The following LMX1A variants were observed in gnomAD, a reference collection of about 807,000 sequenced individuals.
The protein encoded by LMX1A is LIM homeobox transcription factor 1 alpha.
LMX1A carries 15 observed loss-of-function variants against 49.1 expected under a neutral mutation model. That is an observed-to-expected ratio of 0.31 (90% CI 0.20 to 0.47). The LOEUF is 0.47. Among genes scored for constraint, LMX1A ranks in the 20% least tolerant of loss-of-function variants. The pLI is 1.00. For synonymous variants in LMX1A, 167 were observed against 185.7 expected, an observed-to-expected ratio of 0.90 and a Z score of 0.82; for missense variants, 372 against 475.8, an observed-to-expected ratio of 0.78 and a Z score of 2.03.
At chr1:165,314,609 C>CT (rs796732524) in intron 3 of LMX1A, among the ~76,000 whole-genome samples, 69 of 151,562 alleles carry the variant, frequency 4.6e-4, no homozygotes, top group African/African-American at 1.6e-3. Context: ...CTTCCAATAT[C>CT]TTTTTTTTTA....
chr1:165,213,392 ATGAAAGGTG>A (rs545025884), intron 5 of LMX1A: 234 of 420,742 alleles, frequency 5.6e-4, no homozygotes, highest in African/African-American at 4.4e-3. Context: ...GCTCTATGAA[ATGAAAGGTG>A]TGACAGGGGC....
At chr1:165,217,600 G>T (rs1651689907) in intron 4 of LMX1A, among the ~76,000 whole-genome samples, 1 of 152,232 alleles carries the variant, frequency 6.6e-6, no homozygotes, top group African/African-American at 2.4e-5. Context: ...ACTCAAACCT[G>T]TGCATACACA....
At position 165,356,416 on chromosome 1, in the gene LMX1A, G is replaced by C. The variant is rs900448475; in HGVS notation, c.-84C>G. 2.6e-5 allele frequency: 4 copies of C among 152,214 alleles called. No individual in the cohort carries two copies. The highest frequency in any genetic ancestry group is 1.3e-4 in the Admixed American group (2 of 15,294). 9.4% of individuals were successfully genotyped at this position (152,214 alleles called of 1,614,324 possible). A position where few individuals can be genotyped will look rare whatever the true frequency, so the allele number is the denominator to read the frequency against. ...GAGAAGTTGCGGAGCGCTGCTGGAA[G>C]CTTCTGCCCGGGAAGGCGTCGCCCC... On this transcript the variant is annotated 5_prime_UTR_variant, in exon 1 of 9. Transcript: ENST00000342310.
intron 5 of LMX1A, chr1:165,211,118 T>C (rs760284478): frequency 5.6e-5 from 10 of 179,662 alleles, no homozygotes; most frequent in Non-Finnish European, 8.1e-5. Context: ...TGCATTGACC[T>C]ACTTAAGGAG....
chr1:165,275,993 T>A (rs1197823813), intron 3 of LMX1A, among the ~76,000 whole-genome samples: 1 of 151,700 alleles, frequency 6.6e-6, no homozygotes, highest in Non-Finnish European at 1.5e-5. Flanking sequence ...GTCGCTGAGT[T>A]TTCACAAAGG....
intron 3 of LMX1A, among the ~76,000 whole-genome samples, chr1:165,252,450 CA>C (rs1436740207): frequency 6.6e-6 from 1 of 152,168 alleles, no homozygotes; most frequent in Non-Finnish European, 1.5e-5. Flanking sequence ...ACCATAATTG[CA>C]TTTGTCACAA....
chr1:165,237,196 C>G (rs887972265), intron 4 of LMX1A, among the ~76,000 whole-genome samples: 4 of 152,220 alleles, frequency 2.6e-5, no homozygotes, highest in African/African-American at 9.6e-5. Flanking sequence ...CTCACTGATT[C>G]CTAAGAAGGA....
chr1:165,213,519 G>C (rs545693209), intron 5 of LMX1A, 122 bp downstream of exon 5: 2 of 893,752 alleles, frequency 2.2e-6, no homozygotes. Flanking sequence ...GCCTGTGCAG[G>C]CTCTGTCTGA....
At chr1:165,337,888 C>CTGTGTGTGTG (rs6143463) in intron 3 of LMX1A, among the ~76,000 whole-genome samples, 67,771 of 146,874 alleles carry the variant, frequency 0.46, 17,167 homozygotes, top group East Asian at 0.66. Flanking sequence ...GTGTGTGTTT[C>CTGTGTGTGTG]TGTGTGTGTG....
At chr1:165,264,325 A>G (rs1653547756) in intron 3 of LMX1A, among the ~76,000 whole-genome samples, 3 of 152,212 alleles carry the variant, frequency 2.0e-5, no homozygotes, top group South Asian at 4.1e-4. Flanking sequence ...ATGAGTAGCT[A>G]AAGAACCACA....
chr1:165,353,827 C>A (rs1005266486), intron 2 of LMX1A, among the ~76,000 whole-genome samples: 3 of 152,154 alleles, frequency 2.0e-5, no homozygotes, highest in Admixed American at 6.5e-5. Context: ...CCGATGAACC[C>A]CAAACTGCTG....
At chr1:165,234,968 T>C (rs1652374456) in intron 4 of LMX1A, among the ~76,000 whole-genome samples, 1 of 152,190 alleles carries the variant, frequency 6.6e-6, no homozygotes, top group Non-Finnish European at 1.5e-5. Flanking sequence ...GCAAGTTTTT[T>C]GAATGTCATA....
At chr1:165,353,050 A>G in intron 3 of LMX1A, 26 bp downstream of exon 3, 1 of 1,611,084 alleles carries the variant, frequency 6.2e-7, no homozygotes. Flanking sequence ...GTGCGCGGGG[A>G]GCGCTGCGGG....
chr1:165,228,503 A>G lies in LMX1A; in HGVS notation c.497-14690T>C, dbSNP rs545590044. On this transcript the variant is annotated intron_variant, in intron 4 of 8. Coordinates refer to ENST00000342310, the MANE Select transcript of LMX1A (RefSeq NM_177398.4). ...TGTGTCTTCTCCCCAGGCTGGCCCC[A>G]GGATGATTTAGTTCTTCAGGGTGAC... 3.3e-5 allele frequency among the ~76,000 whole-genome samples: 5 copies of G among 152,220 alleles called. No individual in the cohort carries two copies. The East Asian group carries it at 9.6e-4, about 29-fold the overall frequency.
intron 3 of LMX1A, among the ~76,000 whole-genome samples, chr1:165,250,958 A>G (rs1002082526): frequency 6.6e-6 from 1 of 152,162 alleles, no homozygotes; most frequent in African/African-American, 2.4e-5. Context: ...CTCAGGTTGT[A>G]AGGTGCACTC....
rs72702415 is a variant in LMX1A at position 165,235,424 on chromosome 1, T to A, written c.496+13984A>T. On this transcript the variant is annotated intron_variant, in intron 4 of 8. Coordinates refer to ENST00000342310, the MANE Select transcript of LMX1A (RefSeq NM_177398.4). ...CTCGCGCGGACACACACACACACAC[T>A]CACACTCACACACAAATAAATCCCC... Among the ~76,000 whole-genome samples, 226 of 26,934 alleles carry A rather than the reference T, an allele frequency of 8.4e-3. 1 individual carries two copies. The East Asian group carries it at 0.16, about 19-fold the overall frequency. The allele number at this position is 26,934 out of a possible 152,430, so 17.7% of individuals were successfully genotyped here.
intron 4 of LMX1A, among the ~76,000 whole-genome samples, 175 bp from the exon 5 acceptor site, chr1:165,213,988 C>G (rs1651539697): frequency 6.6e-6 from 1 of 152,160 alleles, no homozygotes; most frequent in African/African-American, 2.4e-5. Flanking sequence ...AAAAATACTT[C>G]TAAAACCCAG....
intron 3 of LMX1A, among the ~76,000 whole-genome samples, chr1:165,273,128 A>T (rs1653857374): frequency 6.6e-6 from 1 of 152,172 alleles, no homozygotes; most frequent in Admixed American, 6.5e-5. Flanking sequence ...CTCCAGAGCA[A>T]TTCCTTGAAC....
At chr1:165,232,355 G>A (rs911180858) in intron 4 of LMX1A, among the ~76,000 whole-genome samples, 1 of 152,200 alleles carries the variant, frequency 6.6e-6, no homozygotes, top group African/African-American at 2.4e-5. Flanking sequence ...AAAAGCACCA[G>A]AAAATGCCAT....
Sources: allele counts gnomAD v4.1 joint callset (sites outside exome capture counted in the v4.1 genomes callset), GRCh38; gene constraint gnomAD v4.1.1; transcripts MANE v1.5; gene names NCBI Gene and HGNC (gene_info 2026-07-23, HGNC 2026-07-21).